ZNF799: variants seen among roughly 807,000 people sequenced by gnomAD.
The protein encoded by ZNF799 is zinc finger protein 14.
Under a neutral mutation model 41.0 loss-of-function variants are expected in ZNF799, and 28 were observed. That is an observed-to-expected ratio of 0.68 (90% CI 0.51 to 0.94). The LOEUF (loss-of-function observed/expected upper bound fraction) is 0.94. Among genes scored for constraint, ZNF799 ranks in the 40% least tolerant of loss-of-function variants. The pLI, the probability that ZNF799 is intolerant of heterozygous loss-of-function variation, is 0.00. For missense variants in ZNF799, 716 were observed against 764.3 expected, an observed-to-expected ratio of 0.94 and a Z score of 0.74; for synonymous variants, 213 against 252.9, an observed-to-expected ratio of 0.84 and a Z score of 1.50.
In ZNF799 at chr19:12,391,759, A is replaced by G. The variant is rs755458319; in HGVS notation, c.639T>C (p.His213=). 5 of 1,614,060 alleles carry G rather than the reference A, an allele frequency of 3.1e-6. No individual in the cohort carries two copies. Among genetic ancestry groups the G allele is most frequent in the Non-Finnish European group, 4.2e-6 (5 of 1,179,992 alleles). The change falls in exon 4 of 4, where the codon CAT becomes CAC. Residue 213 remains histidine (H), a synonymous_variant. Transcript: ENST00000430385. ...GKAFFWPSLL[H]MHERTHTGEK... ...CTCCAGTGTGCGTTCTCTCATGCATATGTAATAAACTGGGCCAAAAAAACG... is the reference window on the plus strand; with the variant it reads ...CTCCAGTGTGCGTTCTCTCATGCATGTGTAATAAACTGGGCCAAAAAAACG...
chr19:12,396,318 C>A (rs1395941308), intron 1 of ZNF799, among the ~76,000 whole-genome samples: 4 of 152,212 alleles, frequency 2.6e-5, no homozygotes, highest in African/African-American at 9.6e-5. Context: ...TAAAAGAAAA[C>A]CAGAATACAG....
rs1469757331 is a variant in ZNF799, at chr19:12,391,478, T to A, written c.920A>T (p.Lys307Ile). ...CCCACATTGCTGACATGCATAGGGT[T>A]TCTCATCAGTGTGAGTTGTTTCGTG... ...RRHETTHTDE[K>I]PYACQQCGKA... Residue 307 changes from lysine to isoleucine, a missense_variant, in exon 4 of 4, where the codon AAA becomes ATA. Lys to Ile is a moderately radical substitution (Grantham distance 102, BLOSUM62 -3). Coordinates refer to ENST00000430385, the MANE Select transcript of ZNF799 (RefSeq NM_001080821.3). The A allele has an allele frequency of 7.4e-6, 12 of 1,614,116 alleles. No individual in the cohort carries two copies. Among genetic ancestry groups the A allele is most frequent in the Non-Finnish European group, 1.0e-5 (12 of 1,179,974 alleles).
At chr19:12,415,079 A>G in the ZNF799 span, among the ~76,000 whole-genome samples, 4 of 152,198 alleles carry the variant, frequency 2.6e-5, no homozygotes, top group African/African-American at 9.6e-5. Flanking sequence ...GCAGTGGCTC[A>G]TGCCTGTAAT....
At chr19:12,398,839 T>C (rs1969937068) in intron 1 of ZNF799, among the ~76,000 whole-genome samples, 1 of 152,082 alleles carries the variant, frequency 6.6e-6, no homozygotes, top group African/African-American at 2.4e-5. Flanking sequence ...TGAAATTCCA[T>C]CTGAAATCAT....
intron 1 of ZNF799, among the ~76,000 whole-genome samples, chr19:12,399,640 A>G: frequency 8.1e-6 from 1 of 122,922 alleles, no homozygotes; most frequent in East Asian, 2.2e-4. Flanking sequence ...AGCTGTGGAC[A>G]CCCTTTTTTT....
chr19:12,407,233 A>T, the ZNF799 span, among the ~76,000 whole-genome samples: 1 of 151,998 alleles, frequency 6.6e-6, no homozygotes, highest in Non-Finnish European at 1.5e-5. Context: ...GAAGACCCAA[A>T]TGGTAGGATT....
chr19:12,412,470 T>G, the ZNF799 span, among the ~76,000 whole-genome samples: 1 of 151,370 alleles, frequency 6.6e-6, no homozygotes, highest in East Asian at 1.9e-4. Flanking sequence ...CTAAGTTCTA[T>G]CCAGATCAAA....
In ZNF799 at chr19:12,392,097, C is replaced by T; in HGVS notation, c.301G>A (p.Gly101Ser). The T allele has an allele frequency of 6.2e-7, 1 of 1,614,148 alleles. No homozygotes were observed. Among genetic ancestry groups the T allele is most frequent in the East Asian group, 2.2e-5 (1 of 44,880 alleles). ...IVTKNTLPGV[G>S]PYESRMSGEV... Reference sequence around the variant, plus strand: ...CCACTCATACGGCTTTCATATGGACCTACTCCAGGAAGAGTGTTCTTGGTC... The same window carrying T: ...CCACTCATACGGCTTTCATATGGACTTACTCCAGGAAGAGTGTTCTTGGTC... Residue 101 changes from glycine (G) to serine (S), a missense_variant, in exon 4 of 4, where the codon GGT (glycine) becomes AGT (serine). Coordinates refer to ENST00000430385, the MANE Select transcript of ZNF799 (RefSeq NM_001080821.3).
At chr19:12,407,570 C>T in the ZNF799 span, among the ~76,000 whole-genome samples, 1 of 151,516 alleles carries the variant, frequency 6.6e-6, no homozygotes, top group African/African-American at 2.4e-5. Flanking sequence ...ATGCAAACTA[C>T]ATAAAATATA....
chr19:12,410,073 G>A, the ZNF799 span, among the ~76,000 whole-genome samples: 16 of 151,934 alleles, frequency 1.1e-4, no homozygotes, highest in Admixed American at 3.3e-4. Context: ...GCTTAAACCC[G>A]GGAGGTGGAA....
chr19:12,392,678 C>T lies in ZNF799; in HGVS notation c.131-15G>A. 1.3e-6 allele frequency: 2 copies of T among 1,580,684 alleles called. No homozygotes were observed. Among genetic ancestry groups the T allele is most frequent in the Non-Finnish European group, 8.6e-7 (1 of 1,158,574 alleles). On this transcript the variant is annotated splice_polypyrimidine_tract_variant and intron_variant, in intron 2 of 3. Transcript: ENST00000430385. ...CCATTTCATTCCTAAAAGGTATACACAGAAAAATCATTACAAATTTTTACA... is the reference window on the plus strand; with the variant it reads ...CCATTTCATTCCTAAAAGGTATACATAGAAAAATCATTACAAATTTTTACA...
the ZNF799 span, among the ~76,000 whole-genome samples, chr19:12,407,440 G>A: frequency 6.8e-6 from 1 of 146,686 alleles, no homozygotes; most frequent in Admixed American, 6.8e-5. Context: ...TCCAGCCTGA[G>A]TAACAAAGCA....
At chr19:12,403,644 C>T (rs1970012707), upstream of ZNF799, among the ~76,000 whole-genome samples, 1 of 152,026 alleles carries the variant, frequency 6.6e-6, no homozygotes, top group African/African-American at 2.4e-5. Flanking sequence ...CCTCTGCCTC[C>T]TGGGTTCAAG....
At chr19:12,392,296 A>G in intron 3 of ZNF799, 90 bp from the exon 4 acceptor site, 1 of 1,505,678 alleles carries the variant, frequency 6.6e-7, no homozygotes, top group Non-Finnish European at 8.9e-7. Flanking sequence ...TTTTAACACT[A>G]TCATGCAAAG....
chr19:12,410,013 T>C, the ZNF799 span, among the ~76,000 whole-genome samples: 24 of 152,022 alleles, frequency 1.6e-4, no homozygotes, highest in Non-Finnish European at 3.1e-4. Flanking sequence ...CTGGGCATGG[T>C]GGTGCACACC....
the ZNF799 span, among the ~76,000 whole-genome samples, chr19:12,410,294 T>C: frequency 7.2e-6 from 1 of 139,752 alleles, no homozygotes; most frequent in Non-Finnish European, 1.6e-5. Flanking sequence ...TATATATATA[T>C]ATATCTTAGC....
In ZNF799 at chr19:12,401,144, C is replaced by G; in HGVS notation, c.-74G>C. ...AATGCGGGTTCCCGCGGGACACAGG[C>G]TGCCACGGAACTTCCAGGTCGTCTC... On this transcript the variant is annotated 5_prime_UTR_variant, in exon 1 of 4. Transcript: ENST00000430385. 6.2e-7 allele frequency: 1 copy of G among 1,611,302 alleles called. No individual in the cohort carries two copies. Among genetic ancestry groups the G allele is most frequent in the Non-Finnish European group, 8.5e-7 (1 of 1,179,074 alleles).
upstream of ZNF799, among the ~76,000 whole-genome samples, chr19:12,406,168 C>CAAAAAAAAAAAAA (rs940819306): frequency 1.7e-5 from 1 of 58,982 alleles, no homozygotes; most frequent in African/African-American, 5.1e-5. Context: ...GACTCTGTCT[C>CAAAAAAAAAAAAA]AAAAAAAAAA....
At chr19:12,393,528 T>C in intron 1 of ZNF799, 105 bp from the exon 2 acceptor site, 15 of 1,313,208 alleles carry the variant, frequency 1.1e-5, no homozygotes, top group Non-Finnish European at 1.5e-5. Flanking sequence ...CCAACCATTT[T>C]ATTCAATGAC....
Sources: gnomAD v4.1 joint callset for allele counts (sites outside exome capture counted in the v4.1 genomes callset) on GRCh38, gnomAD v4.1.1 for gene constraint, MANE v1.5 for transcripts, NCBI Gene and HGNC (gene_info 2026-07-23, HGNC 2026-07-21) for gene names.